NWD2: variants seen among roughly 807,000 people sequenced by gnomAD.
NWD2 encodes the protein NACHT and WD repeat domain containing 2, also known as NACHT and WD repeat domain-containing protein 2.
Under a neutral mutation model 132.7 loss-of-function variants are expected in NWD2, and 37 were observed. The observed-to-expected ratio is 0.28, with a 90% confidence interval of 0.21 to 0.37. The LOEUF (loss-of-function observed/expected upper bound fraction) is 0.37, where lower values mean the gene tolerates loss of function less well. NWD2 is among the 10% of genes least tolerant of loss of function. The pLI is 1.00. For missense variants in NWD2, 1,592 were observed against 2,122.4 expected (o/e 0.75, Z 4.91); for synonymous variants, 705 against 803.0 (o/e 0.88, Z 2.06).
chr4:37,347,539 C>T (rs570676916), intron 2 of NWD2, among the ~76,000 whole-genome samples: 3 of 152,246 alleles, frequency 2.0e-5, no homozygotes, highest in African/African-American at 7.2e-5. Flanking sequence ...TAATGCCACA[C>T]ATCTACAACC....
In NWD2 at chr4:37,446,532, G is replaced by T; in HGVS notation, c.4544G>T (p.Arg1515Leu). The change falls in exon 7 of 7, where the codon CGG (arginine) becomes CTG (leucine). Residue 1515 changes from arginine (R) to leucine (L), a missense_variant. Transcript: ENST00000309447. The surrounding 1 kb of genome is among the most constrained non-coding windows in gnomAD (Gnocchi z 6.7). ...AGTCTGACAGATGAAGTGATCTGTC[G>T]GCGCGTGCAACTTCCAAACAACTTC... Reference protein sequence around the residue: ...IWSLTDEVICRRVQLPNNFLK... With the variant: ...IWSLTDEVICLRVQLPNNFLK... 1 of 1,551,672 alleles carries T rather than the reference G, an allele frequency of 6.4e-7. No homozygotes were observed. The highest frequency in any genetic ancestry group is 8.7e-7 in the Non-Finnish European group (1 of 1,146,990).
intron 3 of NWD2, among the ~76,000 whole-genome samples, chr4:37,376,880 C>G (rs1263253126): frequency 6.6e-6 from 1 of 152,132 alleles, no homozygotes; most frequent in East Asian, 1.9e-4. Context: ...GAATTTTTAT[C>G]TTTGTCCTTT....
chr4:37,245,326 C>A, intron 1 of NWD2, 108 bp downstream of exon 1: 1 of 1,303,480 alleles, frequency 7.7e-7, no homozygotes, highest in Non-Finnish European at 1.0e-6. Flanking sequence ...CGCTCCCTTC[C>A]TCCAGCTAAA....
At chr4:37,418,958 A>G (rs527309519) in intron 3 of NWD2, among the ~76,000 whole-genome samples, 2 of 152,024 alleles carry the variant, frequency 1.3e-5, no homozygotes, top group Admixed American at 1.3e-4. Flanking sequence ...TTGGCTGCAT[A>G]AGAACAAAGC....
At chr4:37,315,517 TTTGTC>T (rs1718938516) in intron 1 of NWD2, among the ~76,000 whole-genome samples, 1 of 152,122 alleles carries the variant, frequency 6.6e-6, no homozygotes, top group Admixed American at 6.5e-5. Context: ...TAAAACCTAT[TTTGTC>T]TGATCTGATT....
At chr4:37,326,440 C>T (rs1277618150) in intron 2 of NWD2, among the ~76,000 whole-genome samples, 1 of 152,038 alleles carries the variant, frequency 6.6e-6, no homozygotes, top group African/African-American at 2.4e-5. Context: ...TTCTGTCTTG[C>T]CTTTAACTTT....
chr4:37,393,015 T>C, intron 3 of NWD2, among the ~76,000 whole-genome samples: 1 of 152,208 alleles, frequency 6.6e-6, no homozygotes, highest in Middle Eastern at 3.2e-3. Flanking sequence ...CCAGCCACAC[T>C]CAAGTGAACA....
At chr4:37,267,999 G>T (rs1247411933) in intron 1 of NWD2, among the ~76,000 whole-genome samples, 1 of 151,844 alleles carries the variant, frequency 6.6e-6, no homozygotes, top group Non-Finnish European at 1.5e-5. Flanking sequence ...TGCTCCTGTG[G>T]CTTGTCTTGC....
At chr4:37,422,175 T>A (rs1577698331) in intron 3 of NWD2, among the ~76,000 whole-genome samples, 1 of 152,218 alleles carries the variant, frequency 6.6e-6, no homozygotes, top group East Asian at 1.9e-4. Flanking sequence ...ATAGAGAAAC[T>A]GAATTTAAGT....
chr4:37,372,385 T>C (rs1720246191), intron 3 of NWD2, among the ~76,000 whole-genome samples: 1 of 152,224 alleles, frequency 6.6e-6, no homozygotes, highest in Non-Finnish European at 1.5e-5. Flanking sequence ...AAAAGATTTC[T>C]GATTCTTGCC....
chr4:37,317,439 A>G (rs998629206), intron 1 of NWD2, among the ~76,000 whole-genome samples: 1 of 152,152 alleles, frequency 6.6e-6, no homozygotes, highest in Non-Finnish European at 1.5e-5. Context: ...TGAGACCACT[A>G]CTGCTACTAA....
At chr4:37,273,825 T>A (rs1261688021) in intron 1 of NWD2, among the ~76,000 whole-genome samples, 4 of 152,138 alleles carry the variant, frequency 2.6e-5, no homozygotes, top group African/African-American at 4.8e-5. Context: ...TGCTCCTGAA[T>A]GACTACTGGG....
At chr4:37,265,740 C>T (rs1717736874) in intron 1 of NWD2, among the ~76,000 whole-genome samples, 3 of 151,988 alleles carry the variant, frequency 2.0e-5, no homozygotes. Flanking sequence ...ATGCCTCCCT[C>T]TTATAAGGAC....
Position 37,288,265 on chromosome 4 carries a change from A to C in NWD2, c.152-37671A>C, listed in dbSNP as rs971922606. Among the ~76,000 whole-genome samples the C allele has an allele frequency of 3.3e-5, 5 of 152,252 alleles. No individual in the cohort carries two copies. The East Asian group carries it at 9.6e-4, about 29-fold the overall frequency. ...CCTCCACGTTTTGCACGTGTATCTC[A>C]GAACTTAAAAGTAAAACTTAAAATC... On this transcript the variant is annotated intron_variant, in intron 1 of 6. Transcript: ENST00000309447.
chr4:37,262,613 G>A (rs1465976020), intron 1 of NWD2, among the ~76,000 whole-genome samples: 1 of 152,144 alleles, frequency 6.6e-6, no homozygotes, highest in East Asian at 1.9e-4. Context: ...GTTCTGGGAG[G>A]ATAGTGAAAT....
chr4:37,249,706 A>C (rs186932534), intron 1 of NWD2, among the ~76,000 whole-genome samples: 6 of 152,168 alleles, frequency 3.9e-5, no homozygotes, highest in Admixed American at 2.0e-4. Context: ...ATATTTTAAC[A>C]CTTAATGCAT....
At chr4:37,359,272 C>T (rs573300088) in intron 3 of NWD2, among the ~76,000 whole-genome samples, 1 of 152,214 alleles carries the variant, frequency 6.6e-6, no homozygotes, top group Middle Eastern at 3.4e-3. Context: ...CTTCTGCTCC[C>T]CTGTTACATG....
At chr4:37,301,375 TG>T (rs1718608823) in intron 1 of NWD2, among the ~76,000 whole-genome samples, 1 of 152,114 alleles carries the variant, frequency 6.6e-6, no homozygotes, top group Non-Finnish European at 1.5e-5. Context: ...TCAACAAATC[TG>T]GGAAATATTT....
In NWD2 at chr4:37,294,705, G is replaced by A. The variant is rs535734292; in HGVS notation, c.152-31231G>A. Among the ~76,000 whole-genome samples the A allele has an allele frequency of 5.9e-5, 9 of 152,300 alleles. No individual in the cohort carries two copies. In the East Asian group the frequency reaches 1.7e-3, roughly 29 times the overall value. On this transcript the variant is annotated intron_variant, in intron 1 of 6. Coordinates refer to ENST00000309447, the MANE Select transcript of NWD2 (RefSeq NM_001144990.2). ...TATTTTTAAGGATAAGGTCAGACTTGCTTCATGATTGATGAAATACACAGA... is the reference window on the plus strand; with the variant it reads ...TATTTTTAAGGATAAGGTCAGACTTACTTCATGATTGATGAAATACACAGA...
Sources: allele counts gnomAD v4.1 joint callset (sites outside exome capture counted in the v4.1 genomes callset), GRCh38; gene constraint gnomAD v4.1.1; non-coding constraint Gnocchi (gnomAD v3.1); transcripts MANE v1.5; gene names NCBI Gene and HGNC (gene_info 2026-07-23, HGNC 2026-07-21).